Variants in TCF4 observed in about 807,000 individuals in gnomAD.
TCF4 encodes the protein transcription factor 4.
TCF4 carries 3 observed loss-of-function variants against 82.1 expected under a neutral mutation model. The observed-to-expected ratio is 0.04, with a 90% CI of 0.02 to 0.09. The LOEUF is 0.09. TCF4 is among the 10% of genes least tolerant of loss of function. The probability of loss-of-function intolerance (pLI) is 1.00; values close to 1 mark genes in which losing one functional copy is unlikely to be tolerated. For missense variants in TCF4, 518 were observed against 852.7 expected, an observed-to-expected ratio of 0.61 and a Z score of 4.89; for synonymous variants, 276 against 309.6, an observed-to-expected ratio of 0.89 and a Z score of 1.14.
intron 6 of TCF4, among the ~76,000 whole-genome samples, chr18:55,391,083 G>C (rs190329320): frequency 6.6e-6 from 1 of 152,286 alleles, no homozygotes; most frequent in East Asian, 1.9e-4. Flanking sequence ...GGCAGCTGTT[G>C]ACATTCTTCT....
In TCF4 at chr18:55,497,577, C is replaced by T. The variant is rs567351888; in HGVS notation, c.146-33440G>A. 2.0e-5 allele frequency among the ~76,000 whole-genome samples: 3 copies of T among 152,172 alleles called. No individual in the cohort carries two copies. The South Asian group carries it at 6.2e-4, about 32-fold the overall frequency. ...TCTTTTTAAACCAAACTAAAATATA[C>T]AAGTTATTAAGTATATCATTCAACC... On this transcript the variant is annotated intron_variant, in intron 3 of 19. Coordinates refer to ENST00000354452, the MANE Select transcript of TCF4 (RefSeq NM_001083962.2).
chr18:55,548,969 T>C (rs1338547270), intron 3 of TCF4, among the ~76,000 whole-genome samples: 1 of 152,170 alleles, frequency 6.6e-6, no homozygotes, highest in Non-Finnish European at 1.5e-5. Context: ...TTTATCAACA[T>C]TGTACATTAA....
At chr18:55,257,816 A>C (rs2057211478) in intron 13 of TCF4, among the ~76,000 whole-genome samples, 1 of 152,246 alleles carries the variant, frequency 6.6e-6, no homozygotes, top group South Asian at 2.1e-4. Context: ...TTTTTAAAAC[A>C]ATCTTTAGAA....
rs199818432 is a variant in TCF4 at position 55,472,698 on chromosome 18, G to A, written c.146-8561C>T. On this transcript the variant is annotated intron_variant, in intron 3 of 19. Transcript: ENST00000354452. ...TTGGAGAGTAAACATTGTGAATTGC[G>A]TGAGAATAACAATTGGAAGTAAGTT... Among the ~76,000 whole-genome samples the A allele has an allele frequency of 1.2e-4, 18 of 152,004 alleles. No individual in the cohort carries two copies. The East Asian group carries it at 3.3e-3, about 28-fold the overall frequency.
intron 5 of TCF4, among the ~76,000 whole-genome samples, chr18:55,407,039 G>C (rs143417094): frequency 3.4e-4 from 52 of 151,812 alleles, no homozygotes; most frequent in African/African-American, 1.2e-3. Context: ...AAAAGTACCC[G>C]TTAGTAACAT....
At chr18:55,577,119 C>CATTTATATATTTATATATACATTTATAT (rs2097535278) in intron 3 of TCF4, among the ~76,000 whole-genome samples, 2 of 124,514 alleles carry the variant, frequency 1.6e-5, no homozygotes, top group East Asian at 6.1e-4. Flanking sequence ...TGTATATATA[C>CATTTATATATTTATATATACATTTATAT]ATTTATATAT....
chr18:55,540,415 T>A (rs1020478208), intron 3 of TCF4, among the ~76,000 whole-genome samples: 1 of 152,150 alleles, frequency 6.6e-6, no homozygotes, highest in East Asian at 1.9e-4. Flanking sequence ...ATGAACTTGA[T>A]GACATCTACT....
intron 15 of TCF4, among the ~76,000 whole-genome samples, chr18:55,239,881 T>C (rs1387355445): frequency 6.6e-6 from 1 of 152,208 alleles, no homozygotes; most frequent in Non-Finnish European, 1.5e-5. Flanking sequence ...CAGGGAGTAT[T>C]GTGAAAGTAA....
chr18:55,447,195 C>A (rs1189315866), intron 5 of TCF4, among the ~76,000 whole-genome samples: 2 of 151,688 alleles, frequency 1.3e-5, no homozygotes, highest in Admixed American at 6.6e-5. Flanking sequence ...CCCACAGTCC[C>A]TGCCACCAGG....
chr18:55,576,891 A>G (rs2097532449), intron 3 of TCF4, among the ~76,000 whole-genome samples: 1 of 151,720 alleles, frequency 6.6e-6, no homozygotes, highest in Admixed American at 6.6e-5. Context: ...AACTATCGTT[A>G]GTGTATTTTA....
chr18:55,500,718 C>A (rs1336991699), intron 3 of TCF4, among the ~76,000 whole-genome samples: 1 of 152,136 alleles, frequency 6.6e-6, no homozygotes, highest in Non-Finnish European at 1.5e-5. Context: ...GTGTTTAATT[C>A]TTTTAACATA....
intron 2 of TCF4, among the ~76,000 whole-genome samples, chr18:55,594,900 A>C (rs1419800644): frequency 3.9e-5 from 6 of 152,172 alleles, no homozygotes; most frequent in Non-Finnish European, 8.8e-5. Flanking sequence ...GGTCATGGAC[A>C]ACTGCAGGGA....
At chr18:55,376,719 T>G (rs2090844879) in intron 6 of TCF4, among the ~76,000 whole-genome samples, 1 of 152,202 alleles carries the variant, frequency 6.6e-6, no homozygotes, top group Admixed American at 6.5e-5. Flanking sequence ...ACATTCTTAT[T>G]GCACAGTCCG....
chr18:55,359,079 G>A (rs115454650), intron 6 of TCF4, among the ~76,000 whole-genome samples: 2,998 of 152,262 alleles, frequency 0.02, 114 homozygotes, highest in South Asian at 0.16. Context: ...GTCATGCATA[G>A]ATAGATTATA....
At chr18:55,634,845 A>G (rs538241908) in intron 1 of TCF4, among the ~76,000 whole-genome samples, 48 of 152,348 alleles carry the variant, frequency 3.2e-4, no homozygotes, top group African/African-American at 1.0e-3. Flanking sequence ...CCAACTGAAC[A>G]CTGGAAATAG....
chr18:55,609,337 A>G (rs2097705040), intron 2 of TCF4, among the ~76,000 whole-genome samples: 2 of 152,194 alleles, frequency 1.3e-5, no homozygotes, highest in South Asian at 4.1e-4. Flanking sequence ...CAGGTTTTTC[A>G]TGAAAATCCT....
At chr18:55,480,711 C>G (rs1453561015) in intron 3 of TCF4, among the ~76,000 whole-genome samples, 1 of 152,200 alleles carries the variant, frequency 6.6e-6, no homozygotes, top group Non-Finnish European at 1.5e-5. Context: ...TGTGTCAACC[C>G]TAATACAGAT....
intron 5 of TCF4, among the ~76,000 whole-genome samples, chr18:55,412,196 C>A (rs996252735): frequency 6.6e-6 from 1 of 152,160 alleles, no homozygotes; most frequent in African/African-American, 2.4e-5. Context: ...TAGATTACTA[C>A]TAGCACTCAC....
chr18:55,630,223 CATTT>C (rs1296897655), intron 2 of TCF4, among the ~76,000 whole-genome samples: 2 of 152,106 alleles, frequency 1.3e-5, no homozygotes, highest in Non-Finnish European at 2.9e-5. Flanking sequence ...ATAATTATAA[CATTT>C]AATTACTTGA....
Sources: allele counts gnomAD v4.1 joint callset (sites outside exome capture counted in the v4.1 genomes callset), GRCh38; gene constraint gnomAD v4.1.1; transcripts MANE v1.5; gene names NCBI Gene and HGNC (gene_info 2026-07-23, HGNC 2026-07-21).